Variants in TENM2 observed in about 807,000 individuals in gnomAD.
TENM2 encodes the protein teneurin transmembrane protein 2.
In TENM2, 52 loss-of-function variants were observed where a neutral mutation model predicts 245.2. The observed-to-expected ratio is 0.21, with a 90% confidence interval of 0.17 to 0.27. The LOEUF (loss-of-function observed/expected upper bound fraction) is 0.27, where lower values mean the gene tolerates loss of function less well. Among genes scored for constraint, TENM2 ranks in the 10% least tolerant of loss-of-function variants. The pLI is 1.00. For missense variants in TENM2, 3,046 were observed against 3,666.8 expected (o/e 0.83, Z 4.37); for synonymous variants, 1,363 against 1,438.9 (o/e 0.95, Z 1.19).
At chr5:167,751,541 G>C (rs1761960056) in intron 2 of TENM2, among the ~76,000 whole-genome samples, 1 of 152,162 alleles carries the variant, frequency 6.6e-6, no homozygotes, top group African/African-American at 2.4e-5. Context: ...AAGTGAGAAA[G>C]AGAGAGGTCA....
intron 3 of TENM2, among the ~76,000 whole-genome samples, chr5:167,947,181 G>T (rs1435364576): frequency 6.6e-6 from 1 of 152,126 alleles, no homozygotes; most frequent in Non-Finnish European, 1.5e-5. Context: ...ACTTGGAAAA[G>T]TTGGGCCCAC....
intron 2 of TENM2, among the ~76,000 whole-genome samples, chr5:167,837,067 T>TACACACAC (rs3082486): frequency 3.2e-4 from 48 of 149,536 alleles, no homozygotes; most frequent in African/African-American, 1.1e-3. Flanking sequence ...TATGCCTAAG[T>TACACACAC]ACACACACAC....
chr5:167,439,145 A>G (rs764069649), intron 2 of TENM2, among the ~76,000 whole-genome samples: 4 of 152,162 alleles, frequency 2.6e-5, no homozygotes, highest in Non-Finnish European at 4.4e-5. Context: ...GAGTTTTTCA[A>G]AGGAGGCAGA....
At chr5:167,869,554 T>C in intron 2 of TENM2, among the ~76,000 whole-genome samples, 1 of 152,238 alleles carries the variant, frequency 6.6e-6, no homozygotes, top group Non-Finnish European at 1.5e-5. Flanking sequence ...AACAGATAGA[T>C]ATGCTTTGGC....
At chr5:167,567,479 G>T (rs1182608692) in intron 2 of TENM2, among the ~76,000 whole-genome samples, 2 of 152,118 alleles carry the variant, frequency 1.3e-5, no homozygotes, top group African/African-American at 4.8e-5. Flanking sequence ...TGACCTCCTA[G>T]AAGAGACCCT....
chr5:168,233,864 C>G (rs1241545736), intron 25 of TENM2, among the ~76,000 whole-genome samples: 2 of 152,142 alleles, frequency 1.3e-5, no homozygotes, highest in East Asian at 3.8e-4. Context: ...AGCGGAAACT[C>G]CTGATAAACC....
chr5:167,130,417 C>T, the TENM2 span, among the ~76,000 whole-genome samples: 1 of 152,166 alleles, frequency 6.6e-6, no homozygotes, highest in Non-Finnish European at 1.5e-5. Context: ...GCCCTGTAAT[C>T]CTCAGAACAA....
At chr5:167,341,358 C>T (rs1048854286) in intron 1 of TENM2, among the ~76,000 whole-genome samples, 41 of 151,890 alleles carry the variant, frequency 2.7e-4, no homozygotes, top group Non-Finnish European at 4.7e-4. Flanking sequence ...TCCAAACTAC[C>T]GGGATATCTG....
chr5:167,465,133 A>T (rs2127498985), intron 2 of TENM2, among the ~76,000 whole-genome samples: 1 of 152,328 alleles, frequency 6.6e-6, no homozygotes, highest in South Asian at 2.1e-4. Flanking sequence ...TTTGTCTAAT[A>T]TCGGTCCTAA....
intron 2 of TENM2, among the ~76,000 whole-genome samples, chr5:167,712,732 TGG>T (rs1758991853): frequency 6.6e-6 from 1 of 152,210 alleles, no homozygotes; most frequent in African/African-American, 2.4e-5. Flanking sequence ...TTTTTGAATA[TGG>T]AATAAAACAT....
chr5:166,983,688 G>A, the TENM2 span, among the ~76,000 whole-genome samples: 85 of 152,116 alleles, frequency 5.6e-4, no homozygotes, highest in Non-Finnish European at 9.7e-4. Flanking sequence ...CAGAATATTC[G>A]TGGTAGATGC....
chr5:166,997,308 A>C, the TENM2 span, among the ~76,000 whole-genome samples: 3 of 152,218 alleles, frequency 2.0e-5, no homozygotes, highest in Admixed American at 1.3e-4. Flanking sequence ...TACATATATT[A>C]TATAATCCTC....
chr5:167,960,051 G>C (rs750029656), intron 4 of TENM2, among the ~76,000 whole-genome samples: 25 of 152,220 alleles, frequency 1.6e-4, no homozygotes, highest in Non-Finnish European at 3.4e-4. Flanking sequence ...ACTGCTGCCT[G>C]TTCCTTCCTC....
At chr5:168,223,528 C>T (rs966637695) in intron 23 of TENM2, among the ~76,000 whole-genome samples, 4 of 145,652 alleles carry the variant, frequency 2.7e-5, no homozygotes, top group Admixed American at 6.9e-5. Context: ...AGTGCAGTGG[C>T]ACAATCTCAG....
intron 2 of TENM2, among the ~76,000 whole-genome samples, chr5:167,567,750 G>A (rs1774000806): frequency 1.3e-5 from 2 of 151,942 alleles, no homozygotes; most frequent in Non-Finnish European, 2.9e-5. Context: ...ACAACCCCAG[G>A]GGTAAAAACG....
intron 5 of TENM2, among the ~76,000 whole-genome samples, chr5:168,033,925 G>A (rs1787368596): frequency 6.6e-6 from 1 of 151,916 alleles, no homozygotes; most frequent in Non-Finnish European, 1.5e-5. Flanking sequence ...TACTCTGGAG[G>A]CTGAGGCAGG....
the TENM2 span, among the ~76,000 whole-genome samples, chr5:167,197,596 C>T: frequency 6.6e-6 from 1 of 152,042 alleles, no homozygotes; most frequent in Non-Finnish European, 1.5e-5. Context: ...CGGTACAGAA[C>T]ATCAGAACAA....
At chr5:167,341,048 A>G (rs1424860115) in intron 1 of TENM2, among the ~76,000 whole-genome samples, 1 of 152,030 alleles carries the variant, frequency 6.6e-6, no homozygotes, top group Non-Finnish European at 1.5e-5. Context: ...CTGACACCCT[A>G]CAGATTCGCA....
At chr5:168,221,484 A>T (rs1234275655) in intron 23 of TENM2, among the ~76,000 whole-genome samples, 1 of 152,224 alleles carries the variant, frequency 6.6e-6, no homozygotes, top group African/African-American at 2.4e-5. Context: ...AAGCAGGGCT[A>T]TGAATGGAAT....
Sources: allele counts gnomAD v4.1 joint callset (sites outside exome capture counted in the v4.1 genomes callset), GRCh38; gene constraint gnomAD v4.1.1; transcripts MANE v1.5; gene names NCBI Gene and HGNC (gene_info 2026-07-23, HGNC 2026-07-21).